The following RRP12 variants were observed in gnomAD, a reference collection of about 807,000 sequenced individuals.
RRP12 encodes ribosomal RNA processing 12 homolog.
In RRP12, 78 loss-of-function variants were observed where a neutral mutation model predicts 157.3. The observed-to-expected ratio is 0.50, with a 90% CI of 0.41 to 0.60. RRP12 has a LOEUF of 0.60. Among genes scored for constraint, RRP12 ranks in the 20% least tolerant of loss-of-function variants. RRP12 has a pLI of 0.00. For missense variants in RRP12, 1,521 were observed against 1,679.9 expected (o/e 0.91, Z 1.65); for synonymous variants, 726 against 670.9 (o/e 1.08, Z -1.27).
At chr10:97,380,483 A>G (rs1254956544) in intron 13 of RRP12, among the ~76,000 whole-genome samples, 1 of 152,230 alleles carries the variant, frequency 6.6e-6, no homozygotes, top group African/African-American at 2.4e-5. Context: ...CTCACTGGTT[A>G]TAGGAAACTT....
intron 29 of RRP12, among the ~76,000 whole-genome samples, chr10:97,365,516 G>A (rs999574858): frequency 9.2e-5 from 14 of 152,132 alleles, no homozygotes; most frequent in African/African-American, 3.1e-4. Context: ...CTCCTGATCT[G>A]CGCGCCTTGG....
Position 97,401,300 on chromosome 10 carries a change from AC to A in RRP12, c.-70del, listed in dbSNP as rs1286664222. On this transcript the variant is annotated 5_prime_UTR_variant, in exon 1 of 34. Transcript: ENST00000370992. ...CCAGGGACGTAGAAACACGCTCAGAACCCACGTGGATACCCTGTAGCCTTCA... is the reference window on the plus strand; with the variant it reads ...CCAGGGACGTAGAAACACGCTCAGAACCACGTGGATACCCTGTAGCCTTCA... The A allele has an allele frequency of 1.9e-6, 3 of 1,591,296 alleles. No homozygotes were observed. The highest frequency in any genetic ancestry group is 2.6e-6 in the Non-Finnish European group (3 of 1,161,834).
rs1420900368 is a variant in RRP12 at position 97,372,786 on chromosome 10, C to T, written c.2199G>A (p.Leu733=). The T allele has an allele frequency of 6.4e-7, 1 of 1,563,478 alleles. No individual in the cohort carries two copies. Among genetic ancestry groups the T allele is most frequent in the South Asian group, 1.2e-5 (1 of 84,968 alleles). ...ITDTQLVNSL[L]EKASEKVLDP... ...CGAGCACCTTCTCACTGGCTTTTTC[C>T]AGGAGACTGTTCACCAACTTGTGGC... Residue 733 remains leucine (L), a synonymous_variant, in exon 19 of 34, where the codon CTG becomes CTA. Coordinates refer to ENST00000370992, the MANE Select transcript of RRP12 (RefSeq NM_015179.4).
Position 97,401,214 on chromosome 10 carries a change from C to A in RRP12, c.18G>T (p.Lys6Asn), listed in dbSNP as rs1234110972. The change falls in exon 1 of 34, where the codon AAG becomes AAT. Residue 6 changes from lysine to asparagine, a missense_variant. By Grantham distance (94) the Lys-to-Asn change is moderately conservative. Transcript: ENST00000370992. ...ACTTAGCTGAGACACCAGAAGGCAACTTTCCCGAGCGACCCATGTTGACTA... is the reference window on the plus strand; with the variant it reads ...ACTTAGCTGAGACACCAGAAGGCAAATTTCCCGAGCGACCCATGTTGACTA... Reference protein sequence around the residue: MGRSGKLPSGVSAKLK... With the variant: MGRSGNLPSGVSAKLK... The A allele has an allele frequency of 6.2e-7, 1 of 1,614,072 alleles. No homozygotes were observed. Among genetic ancestry groups the A allele is most frequent in the African/African-American group, 1.3e-5 (1 of 74,938 alleles).
Position 97,393,757 on chromosome 10 carries a change from T to G in RRP12, c.457A>C (p.Thr153Pro), listed in dbSNP as rs980998409. ...GGGGACTCCACTGCTTCCATTGTTG[T>G]CATCTGAGGGCCAGATTGAGGGGGT... ...TETEYFAALMTTMEAVESPES... is the reference protein window; with the variant it reads ...TETEYFAALMPTMEAVESPES... The change falls in exon 4 of 34, where the codon ACA (threonine) becomes CCA (proline). Residue 153 changes from threonine (T) to proline (P), a missense_variant. Physicochemically the swap from Thr to Pro is conservative, Grantham distance 38 (BLOSUM62 -1). Coordinates refer to ENST00000370992, the MANE Select transcript of RRP12 (RefSeq NM_015179.4). 1 of 1,613,820 alleles carries G rather than the reference T, an allele frequency of 6.2e-7. No individual in the cohort carries two copies. Among genetic ancestry groups the G allele is most frequent in the Non-Finnish European group, 8.5e-7 (1 of 1,179,852 alleles).
chr10:97,400,317 A>T lies in RRP12; in HGVS notation c.357T>A (p.Ala119=). 1 of 1,613,934 alleles carries T rather than the reference A, an allele frequency of 6.2e-7. No individual in the cohort carries two copies. The highest frequency in any genetic ancestry group is 8.5e-7 in the Non-Finnish European group (1 of 1,179,916). The change falls in exon 2 of 34, where the codon GCT becomes GCA. Residue 119 remains alanine (A), a synonymous_variant. Coordinates refer to ENST00000370992, the MANE Select transcript of RRP12 (RefSeq NM_015179.4). The part of the protein sequence containing the change: ...KVQRFWESNS[A]AHKEICAVLA... ...CCCTCGCCCCTACCTCCTTGTGGGCAGCCGAGTTGGACTCCCAGAAGCGCT... is the reference window on the plus strand; with the variant it reads ...CCCTCGCCCCTACCTCCTTGTGGGCTGCCGAGTTGGACTCCCAGAAGCGCT...
chr10:97,392,001 GT>G (rs59302286), intron 4 of RRP12, among the ~76,000 whole-genome samples: 69,318 of 147,692 alleles, frequency 0.47, 17,797 homozygotes, highest in Non-Finnish European at 0.59. Context: ...CATGTTGTGG[GT>G]TTTTTTTTTT....
In RRP12 at chr10:97,390,824, A is replaced by G; in HGVS notation, c.551T>C (p.Ile184Thr). Residue 184 changes from isoleucine to threonine, a missense_variant, in exon 5 of 34, where the codon ATT (isoleucine) becomes ACT (threonine). Coordinates refer to ENST00000370992, the MANE Select transcript of RRP12 (RefSeq NM_015179.4). ...TTTGGAGGTATCAGAGAACTTCTTAATAAGCACAGGGCTGGGAACACTGTG... is the reference window on the plus strand; with the variant it reads ...TTTGGAGGTATCAGAGAACTTCTTAGTAAGCACAGGGCTGGGAACACTGTG... ...VLKRVPSPVL[I>T]KKFSDTSKAF... 6.2e-7 allele frequency: 1 copy of G among 1,612,672 alleles called. No homozygotes were observed. The highest frequency in any genetic ancestry group is 1.7e-5 in the Admixed American group (1 of 59,998).
rs61739160 is a variant in RRP12, at chr10:97,370,998, G to A, written c.2427C>T (p.Phe809=). Residue 809 remains phenylalanine (F), a synonymous_variant, in exon 21 of 34, where the codon TTC becomes TTT. Coordinates refer to ENST00000370992, the MANE Select transcript of RRP12 (RefSeq NM_015179.4). ...TCAGGTCCTCCAGGTGGCTCTGCACGAAGAGGGCCCCGGGGCCCTGAGGAC... is the reference window on the plus strand; with the variant it reads ...TCAGGTCCTCCAGGTGGCTCTGCACAAAGAGGGCCCCGGGGCCCTGAGGAC... ...CASPQGPGAL[F]VQSHLEDLKK... is the part of the protein sequence containing the mutation. 4.7e-3 allele frequency: 7,531 copies of A among 1,613,926 alleles called. 243 individuals carry two copies. The African/African-American group carries it at 0.079, about 17-fold the overall frequency.
rs185894714 is a variant in RRP12, at chr10:97,356,898, C to A, written c.*196G>T. ...CTGAGGCCACATTCCCATCTCCAGG[C>A]ACCAGGGATGTCTCTGAAGGGTGAT... On this transcript the variant is annotated 3_prime_UTR_variant, in exon 34 of 34. Transcript: ENST00000370992. The A allele has an allele frequency of 1.1e-4, 53 of 502,726 alleles. No individual in the cohort carries two copies. Among genetic ancestry groups the A allele is most frequent in the Middle Eastern group, 1.1e-3 (2 of 1,874 alleles). 31.1% of individuals were successfully genotyped at this position (502,726 alleles called of 1,614,324 possible). A position where few individuals can be genotyped will look rare whatever the true frequency, so the allele number is the denominator to read the frequency against.
In RRP12 at chr10:97,363,987, A is replaced by G; in HGVS notation, c.3518-84T>C. The G allele has an allele frequency of 3.2e-6, 4 of 1,262,808 alleles. No individual in the cohort carries two copies. The South Asian group carries it at 4.8e-5, about 15-fold the overall frequency. 78.2% of individuals were successfully genotyped at this position (1,262,808 alleles called of 1,614,324 possible). On this transcript the variant is annotated intron_variant, in intron 29 of 33. Transcript: ENST00000370992. The stretch of plus-strand genomic sequence containing the variant: ...TCCTTCTGCCCCCTCCTGGCTCACC[A>G]GGCTGCGGGGCCACCAACTCCGGCC...
chr10:97,363,942 G>A (rs759090664), intron 29 of RRP12, 39 bp from the exon 30 acceptor site: 7 of 1,597,518 alleles, frequency 4.4e-6, no homozygotes, highest in Non-Finnish European at 6.0e-6. Flanking sequence ...CGCTGTGGGA[G>A]CTCCTCAAAA....
At chr10:97,367,570 C>A (rs1460495026) in intron 25 of RRP12, among the ~76,000 whole-genome samples, 1 of 152,212 alleles carries the variant, frequency 6.6e-6, no homozygotes, top group Non-Finnish European at 1.5e-5. Context: ...GCCCCTAGCA[C>A]CCCAAGATTT....
rs1358575726 is a variant in RRP12 at position 97,367,075 on chromosome 10, G to A, written c.3013C>T (p.Arg1005Trp). ...CGGATGAACTTGGTGAACAGGTTCC[G>A]AAGCTTCATGCGGAAGTGCCGCCGC... ...DMRRHFRMKL[R>W]NLFTKFIRKF... is the part of the protein sequence containing the mutation. The change falls in exon 26 of 34, where the codon CGG (arginine) becomes TGG (tryptophan). Residue 1005 changes from arginine (R) to tryptophan (W), a missense_variant. Transcript: ENST00000370992. 31 of 1,614,210 alleles carry A rather than the reference G, an allele frequency of 1.9e-5. No individual in the cohort carries two copies. The highest frequency in any genetic ancestry group is 2.5e-5 in the Non-Finnish European group (29 of 1,180,042).
chr10:97,362,287 G>A (rs972429308), intron 30 of RRP12, among the ~76,000 whole-genome samples: 17 of 152,252 alleles, frequency 1.1e-4, no homozygotes, highest in African/African-American at 3.6e-4. Context: ...GAAAGCCGTG[G>A]TCGGTTCTCC....
At chr10:97,390,950 G>A in intron 4 of RRP12, 106 bp from the exon 5 acceptor site, 1 of 765,388 alleles carries the variant, frequency 1.3e-6, no homozygotes, top group Non-Finnish European at 2.4e-6. Context: ...TGGTGGCACA[G>A]TCACTCAGAA....
chr10:97,382,081 C>T (rs1438606083), intron 10 of RRP12, among the ~76,000 whole-genome samples: 1 of 152,230 alleles, frequency 6.6e-6, no homozygotes, highest in Non-Finnish European at 1.5e-5. Context: ...ACCCTTCTGG[C>T]CTGACCCTTA....
At chr10:97,377,389 T>C (rs1392469765) in intron 15 of RRP12, among the ~76,000 whole-genome samples, 1 of 150,502 alleles carries the variant, frequency 6.6e-6, no homozygotes, top group Non-Finnish European at 1.5e-5. Context: ...GTGAGCCAGG[T>C]GTGGTGGCAC....
intron 31 of RRP12, 92 bp downstream of exon 31, chr10:97,360,454 C>A: frequency 9.7e-7 from 1 of 1,034,340 alleles, no homozygotes. Context: ...GCTGTGCACC[C>A]TCATGGCCCT....
Sources: gnomAD v4.1 joint callset for allele counts (sites outside exome capture counted in the v4.1 genomes callset) on GRCh38, gnomAD v4.1.1 for gene constraint, MANE v1.5 for transcripts, NCBI Gene and HGNC (gene_info 2026-07-23, HGNC 2026-07-21) for gene names.